The following SLC10A7 variants were observed in gnomAD, a reference collection of about 807,000 sequenced individuals.
SLC10A7 encodes the protein solute carrier family 10 member 7.
In SLC10A7, 29 loss-of-function variants were observed where a neutral mutation model predicts 43.2. That is an observed-to-expected ratio of 0.67 (90% confidence interval 0.50 to 0.92). The LOEUF is 0.92. Ranked by LOEUF, SLC10A7 falls within the 40% of genes least tolerant of loss-of-function variation. The probability of loss-of-function intolerance (pLI) is 0.00; values close to 1 mark genes in which losing one functional copy is unlikely to be tolerated. For synonymous variants in SLC10A7, 152 were observed against 144.8 expected (o/e 1.05, Z -0.35); for missense variants, 295 against 403.2 (o/e 0.73, Z 2.30).
intron 4 of SLC10A7, among the ~76,000 whole-genome samples, chr4:146,443,788 G>A (rs1730800042): frequency 6.6e-6 from 1 of 152,200 alleles, no homozygotes; most frequent in South Asian, 2.1e-4. Flanking sequence ...GATGCAATGA[G>A]AGTGAATGGG....
At chr4:146,486,002 T>G (rs1260985290) in intron 4 of SLC10A7, among the ~76,000 whole-genome samples, 1 of 151,416 alleles carries the variant, frequency 6.6e-6, no homozygotes, top group African/African-American at 2.4e-5. Context: ...ATTATGGTAT[T>G]CTCTTTTCCC....
chr4:146,358,692 T>C (rs1396959889), intron 5 of SLC10A7, among the ~76,000 whole-genome samples: 1 of 152,200 alleles, frequency 6.6e-6, no homozygotes, highest in Non-Finnish European at 1.5e-5. Context: ...TATTTTTGTG[T>C]GGAGCAGTAG....
At chr4:146,281,594 C>T (rs893569805) in intron 10 of SLC10A7, among the ~76,000 whole-genome samples, 3 of 152,088 alleles carry the variant, frequency 2.0e-5, no homozygotes, top group African/African-American at 7.2e-5. Flanking sequence ...TCTGGACTCA[C>T]TAACTTTATA....
intron 4 of SLC10A7, among the ~76,000 whole-genome samples, chr4:146,472,835 C>G (rs1391099651): frequency 6.6e-6 from 1 of 152,192 alleles, no homozygotes; most frequent in African/African-American, 2.4e-5. Flanking sequence ...ATTTCTGCAT[C>G]GTTTCCAGAG....
At chr4:146,451,829 T>C (rs1731627853) in intron 4 of SLC10A7, among the ~76,000 whole-genome samples, 1 of 152,024 alleles carries the variant, frequency 6.6e-6, no homozygotes, top group East Asian at 1.9e-4. Context: ...ATATGCTTGA[T>C]GGTGGGGGCT....
chr4:146,356,247 T>C (rs1490356912), intron 5 of SLC10A7, among the ~76,000 whole-genome samples: 1 of 152,048 alleles, frequency 6.6e-6, no homozygotes, highest in Non-Finnish European at 1.5e-5. Flanking sequence ...TTTACATTTA[T>C]TACGCACATG....
intron 5 of SLC10A7, among the ~76,000 whole-genome samples, chr4:146,355,831 T>C (rs895046134): frequency 8.7e-5 from 11 of 126,450 alleles, no homozygotes; most frequent in African/African-American, 2.8e-4. Context: ...TAGGTAGGAA[T>C]TGAACAATGA....
intron 5 of SLC10A7, among the ~76,000 whole-genome samples, chr4:146,338,591 A>G (rs1407181272): frequency 1.3e-5 from 2 of 151,976 alleles, no homozygotes; most frequent in African/African-American, 2.4e-5. Flanking sequence ...ACCTCACTTT[A>G]CAAACTGAAA....
At chr4:146,389,290 C>T (rs1486126536) in intron 5 of SLC10A7, among the ~76,000 whole-genome samples, 6 of 147,802 alleles carry the variant, frequency 4.1e-5, no homozygotes, top group Non-Finnish European at 8.9e-5. Context: ...AACAAAACTC[C>T]ATTTGTGTCC....
rs559718003 is a variant in SLC10A7 at position 146,261,156 on chromosome 4, T to TG, written c.848-2320dup. Among the ~76,000 whole-genome samples, 197 of 152,348 alleles carry TG rather than the reference T, an allele frequency of 1.3e-3. 2 individuals are homozygous for TG. Among genetic ancestry groups the TG allele is most frequent in the African/African-American group, 4.5e-3 (187 of 41,588 alleles). On this transcript the variant is annotated intron_variant, in intron 10 of 11. Transcript: ENST00000335472. ...TGCTCTTGCAAGGAAGCTGGGACTC[T>TG]GCAAACACCTGTCCTTCTGGTCAGC... is the stretch of plus-strand genomic sequence containing the variant.
intron 4 of SLC10A7, among the ~76,000 whole-genome samples, chr4:146,480,059 G>T (rs1001190694): frequency 6.6e-6 from 1 of 151,986 alleles, no homozygotes; most frequent in Non-Finnish European, 1.5e-5. Flanking sequence ...GCATACTGCA[G>T]CTAAATAACA....
intron 2 of SLC10A7, among the ~76,000 whole-genome samples, chr4:146,516,491 C>T (rs1313205900): frequency 7.0e-6 from 1 of 142,928 alleles, no homozygotes; most frequent in East Asian, 2.1e-4. Context: ...TATATATACA[C>T]ATATACATAT....
chr4:146,284,837 G>A (rs371782562), intron 9 of SLC10A7, among the ~76,000 whole-genome samples: 8 of 152,180 alleles, frequency 5.3e-5, no homozygotes, highest in African/African-American at 9.6e-5. Context: ...ATAAGGTTCC[G>A]TAAATGCATG....
intron 4 of SLC10A7, among the ~76,000 whole-genome samples, chr4:146,445,972 G>A (rs773002011): frequency 2.0e-5 from 3 of 151,890 alleles, no homozygotes; most frequent in Non-Finnish European, 2.9e-5. Flanking sequence ...CAGTTCTCAT[G>A]GGCACAGGAT....
In SLC10A7 at chr4:146,255,802, T is replaced by C. The variant is rs912860723; in HGVS notation, c.*689A>G. ...AGACCCTGAAAATCAAATCACAGAG[T>C]TTAACTCAAAATTTCACATGATTTC... On this transcript the variant is annotated 3_prime_UTR_variant, in exon 12 of 12. Coordinates refer to ENST00000335472, the MANE Select transcript of SLC10A7 (RefSeq NM_001029998.6). 2 of 151,988 alleles carry C rather than the reference T, an allele frequency of 1.3e-5. No individual in the cohort carries two copies. Among genetic ancestry groups the C allele is most frequent in the Non-Finnish European group, 2.9e-5 (2 of 67,994 alleles). 9.4% of individuals were successfully genotyped at this position (151,988 alleles called of 1,614,324 possible).
chr4:146,339,015 A>C (rs947731664), intron 5 of SLC10A7, among the ~76,000 whole-genome samples: 1 of 151,962 alleles, frequency 6.6e-6, no homozygotes, highest in Non-Finnish European at 1.5e-5. Flanking sequence ...GATAGTATGA[A>C]GTTCAATGAG....
intron 4 of SLC10A7, among the ~76,000 whole-genome samples, chr4:146,483,949 C>T (rs1734707765): frequency 6.6e-6 from 1 of 152,110 alleles, no homozygotes; most frequent in African/African-American, 2.4e-5. Flanking sequence ...AATATTTATG[C>T]ACCTAACAAT....
At chr4:146,392,440 T>C (rs1050698945) in intron 5 of SLC10A7, among the ~76,000 whole-genome samples, 2 of 152,170 alleles carry the variant, frequency 1.3e-5, no homozygotes, top group Non-Finnish European at 2.9e-5. Flanking sequence ...TATGTATGTG[T>C]ATATATGTGT....
At chr4:146,265,632 C>T (rs531346327) in intron 10 of SLC10A7, among the ~76,000 whole-genome samples, 25 of 152,206 alleles carry the variant, frequency 1.6e-4, no homozygotes, top group African/African-American at 6.0e-4. Context: ...TAATTTCCTG[C>T]AACATTTAAG....
Sources: gnomAD v4.1 joint callset for allele counts (sites outside exome capture counted in the v4.1 genomes callset) on GRCh38, gnomAD v4.1.1 for gene constraint, MANE v1.5 for transcripts, NCBI Gene and HGNC (gene_info 2026-07-23, HGNC 2026-07-21) for gene names.